Variants in DNER observed in about 807,000 individuals in gnomAD.
DNER encodes the protein delta/notch like EGF repeat containing.
A neutral mutation model predicts 78.2 loss-of-function variants in DNER; 33 were observed. That is an observed-to-expected ratio of 0.42 (90% CI 0.32 to 0.56). The LOEUF (loss-of-function observed/expected upper bound fraction) is 0.56. DNER is among the 20% of genes least tolerant of loss of function. The pLI is 0.11. For synonymous variants in DNER, 417 were observed against 384.8 expected, an observed-to-expected ratio of 1.08 and a Z score of -0.98; for missense variants, 918 against 975.3, an observed-to-expected ratio of 0.94 and a Z score of 0.78.
chr2:229,578,575 T>C (rs1697342348), intron 4 of DNER, among the ~76,000 whole-genome samples: 1 of 152,014 alleles, frequency 6.6e-6, no homozygotes, highest in Non-Finnish European at 1.5e-5. Flanking sequence ...GTTAGCAACA[T>C]CCCCCACCCC....
At chr2:229,539,577 G>A (rs565153195) in intron 5 of DNER, among the ~76,000 whole-genome samples, 20 of 152,180 alleles carry the variant, frequency 1.3e-4, no homozygotes, top group Admixed American at 3.9e-4. Flanking sequence ...AGCAAGTATC[G>A]AACTTAAAGT....
At chr2:229,391,708 AT>A (rs1482689361) in intron 10 of DNER, among the ~76,000 whole-genome samples, 1 of 151,938 alleles carries the variant, frequency 6.6e-6, no homozygotes, top group Non-Finnish European at 1.5e-5. Flanking sequence ...TGCCCAGTGA[AT>A]TTTTTGTATT....
At chr2:229,527,665 T>C (rs569989574) in intron 5 of DNER, among the ~76,000 whole-genome samples, 1 of 152,294 alleles carries the variant, frequency 6.6e-6, no homozygotes. Flanking sequence ...TGTATCAATG[T>C]TTGAGTTACT....
intron 5 of DNER, among the ~76,000 whole-genome samples, chr2:229,519,965 G>A (rs920348185): frequency 6.6e-6 from 1 of 152,200 alleles, no homozygotes; most frequent in Non-Finnish European, 1.5e-5. Flanking sequence ...TCAGGATAGA[G>A]TAAAAACTAT....
At chr2:229,421,648 G>T (rs1299659783) in intron 8 of DNER, among the ~76,000 whole-genome samples, 8 of 80,546 alleles carry the variant, frequency 9.9e-5, no homozygotes, top group African/African-American at 4.0e-4. Flanking sequence ...TATATATAGA[G>T]AGAGAGAGAG....
At chr2:229,397,021 A>T (rs1030180949) in intron 10 of DNER, among the ~76,000 whole-genome samples, 1 of 152,322 alleles carries the variant, frequency 6.6e-6, no homozygotes, top group Admixed American at 6.5e-5. Flanking sequence ...CCCACCGTGG[A>T]ACAAACAGAT....
intron 1 of DNER, among the ~76,000 whole-genome samples, chr2:229,631,403 G>A (rs1256203777): frequency 6.6e-6 from 1 of 152,124 alleles, no homozygotes; most frequent in Non-Finnish European, 1.5e-5. Flanking sequence ...GTCCCTAGAA[G>A]AACTCTCTTC....
Position 229,430,952 on chromosome 2 carries a change from A to T in DNER, c.1487-12722T>A, listed in dbSNP as rs185588145. Among the ~76,000 whole-genome samples, 51 of 152,178 alleles carry T rather than the reference A, an allele frequency of 3.4e-4. No homozygotes were observed. In the East Asian group the frequency reaches 9.6e-3, roughly 29 times the overall value. On this transcript the variant is annotated intron_variant, in intron 8 of 12. Transcript: ENST00000341772. ...ATAGTCTATAAAGGGAAAAGACTAGACTTATTAGAGGAGATTTTCTGAGAT... is the reference window on the plus strand; with the variant it reads ...ATAGTCTATAAAGGGAAAAGACTAGTCTTATTAGAGGAGATTTTCTGAGAT...
intron 6 of DNER, among the ~76,000 whole-genome samples, chr2:229,506,915 T>C (rs1695757509): frequency 6.6e-6 from 1 of 152,214 alleles, no homozygotes; most frequent in African/African-American, 2.4e-5. Flanking sequence ...TTAAGAAACG[T>C]GTTGTTAGGT....
intron 1 of DNER, among the ~76,000 whole-genome samples, chr2:229,596,102 C>A (rs12373571): frequency 0.36 from 55,347 of 151,836 alleles, 10,253 homozygotes; most frequent in East Asian, 0.5. Context: ...TTCTGTTTTC[C>A]GTTTAATTTA....
chr2:229,402,115 AC>A (rs1693280668), intron 10 of DNER, among the ~76,000 whole-genome samples: 1 of 151,188 alleles, frequency 6.6e-6, no homozygotes, highest in East Asian at 1.9e-4. Flanking sequence ...AAGATTTCTT[AC>A]AATACCAGAA....
At chr2:229,486,306 G>C (rs1256734718) in intron 6 of DNER, among the ~76,000 whole-genome samples, 2 of 150,874 alleles carry the variant, frequency 1.3e-5, no homozygotes, top group East Asian at 1.9e-4. Flanking sequence ...AAGAAAGGAA[G>C]ATACATGAAG....
At chr2:229,635,361 GAAAA>G (rs58220819) in intron 1 of DNER, among the ~76,000 whole-genome samples, 153 of 85,880 alleles carry the variant, frequency 1.8e-3, no homozygotes, top group African/African-American at 6.3e-3. Flanking sequence ...GGTCCCACAG[GAAAA>G]AAAAAAAAAA....
At chr2:229,523,450 C>T (rs1311904206) in intron 5 of DNER, among the ~76,000 whole-genome samples, 1 of 152,196 alleles carries the variant, frequency 6.6e-6, no homozygotes, top group African/African-American at 2.4e-5. Flanking sequence ...GCCATCTCCT[C>T]CCCGTGTCTT....
chr2:229,456,596 C>A (rs565144514), intron 7 of DNER, among the ~76,000 whole-genome samples: 33 of 152,028 alleles, frequency 2.2e-4, no homozygotes, highest in Admixed American at 1.1e-3. Flanking sequence ...CAGGGACCAG[C>A]CTCTTCTGCA....
At chr2:229,517,491 G>T (rs1696003613) in intron 5 of DNER, among the ~76,000 whole-genome samples, 1 of 152,174 alleles carries the variant, frequency 6.6e-6, no homozygotes, top group Non-Finnish European at 1.5e-5. Context: ...TGGCCATGGA[G>T]GCATCCGAGG....
At chr2:229,618,781 C>A (rs1467434698) in intron 1 of DNER, among the ~76,000 whole-genome samples, 1 of 152,046 alleles carries the variant, frequency 6.6e-6, no homozygotes, top group Admixed American at 6.6e-5. Flanking sequence ...AAATGATATT[C>A]CTCTTTTTAA....
Position 229,615,538 on chromosome 2 carries a change from T to C in DNER, c.277-23650A>G, listed in dbSNP as rs533546181. On this transcript the variant is annotated intron_variant, in intron 1 of 12. Coordinates refer to ENST00000341772, the MANE Select transcript of DNER (RefSeq NM_139072.4). ...TCCTGGCTAACATGGTGAAACCCTA[T>C]CTCTACTAAAAATACAAAAAAAAAT... 1.3e-3 allele frequency among the ~76,000 whole-genome samples: 200 copies of C among 151,474 alleles called. 1 individual carries two copies. Among genetic ancestry groups the C allele is most frequent in the African/African-American group, 4.6e-3 (188 of 41,208 alleles).
At chr2:229,566,901 T>C (rs552770519) in intron 4 of DNER, among the ~76,000 whole-genome samples, 1 of 152,292 alleles carries the variant, frequency 6.6e-6, no homozygotes, top group East Asian at 1.9e-4. Flanking sequence ...AAATGTGTTT[T>C]TCAACCTTCC....
Sources: gnomAD v4.1 joint callset for allele counts (sites outside exome capture counted in the v4.1 genomes callset) on GRCh38, gnomAD v4.1.1 for gene constraint, MANE v1.5 for transcripts, NCBI Gene and HGNC (gene_info 2026-07-23, HGNC 2026-07-21) for gene names.